SYT9: variants seen among roughly 807,000 people sequenced by gnomAD.
SYT9 encodes the protein synaptotagmin-9.
SYT9 carries 22 observed loss-of-function variants against 48.4 expected under a neutral mutation model. The ratio of observed to expected loss-of-function variants is 0.45; its 90% confidence interval spans 0.32 to 0.65. The LOEUF is 0.65. Among genes scored for constraint, SYT9 ranks in the 30% least tolerant of loss-of-function variants. SYT9 has a pLI of 0.03. For missense variants in SYT9, 577 were observed against 622.0 expected, an observed-to-expected ratio of 0.93 and a Z score of 0.77; for synonymous variants, 265 against 245.0, an observed-to-expected ratio of 1.08 and a Z score of -0.76.
At chr11:7,357,857 C>T (rs1045004632) in intron 3 of SYT9, among the ~76,000 whole-genome samples, 8 of 151,516 alleles carry the variant, frequency 5.3e-5, no homozygotes, top group Non-Finnish European at 7.4e-5. Context: ...TATATTAATT[C>T]GACTAGAATT....
intron 3 of SYT9, among the ~76,000 whole-genome samples, chr11:7,339,576 G>T (rs914243663): frequency 1.3e-5 from 2 of 152,154 alleles, no homozygotes; most frequent in African/African-American, 4.8e-5. Flanking sequence ...GCATTTGCTT[G>T]TCGGAAAAGG....
intron 3 of SYT9, among the ~76,000 whole-genome samples, chr11:7,330,151 T>A (rs1473399895): frequency 1.3e-5 from 2 of 152,082 alleles, no homozygotes; most frequent in Non-Finnish European, 2.9e-5. Context: ...AACCTAAATG[T>A]CCTCCAATGG....
chr11:7,390,708 G>GAATAT (rs1233140669), intron 3 of SYT9, among the ~76,000 whole-genome samples: 8 of 152,132 alleles, frequency 5.3e-5, no homozygotes, highest in African/African-American at 1.9e-4. Flanking sequence ...TAATAGAATA[G>GAATAT]AATGGAATTT....
intron 1 of SYT9, among the ~76,000 whole-genome samples, chr11:7,296,740 G>A (rs762732900): frequency 5.3e-5 from 8 of 152,258 alleles, no homozygotes; most frequent in African/African-American, 7.2e-5. Context: ...TTGTATTTAC[G>A]TGAAAGGGAT....
chr11:7,457,073 C>T (rs1848160630), intron 6 of SYT9: 1 of 152,222 alleles, frequency 6.6e-6, no homozygotes, highest in South Asian at 2.1e-4. Flanking sequence ...TCCTCTGCGA[C>T]CCTGCCTCCA....
chr11:7,251,830 C>T (rs1424004530), upstream of SYT9: 3 of 192,488 alleles, frequency 1.6e-5, no homozygotes, highest in African/African-American at 2.3e-5. Flanking sequence ...CTATCCTACC[C>T]TGCGGCGCGC....
At chr11:7,294,656 T>G (rs920389284) in intron 1 of SYT9, among the ~76,000 whole-genome samples, 29 of 152,196 alleles carry the variant, frequency 1.9e-4, no homozygotes, top group African/African-American at 7.0e-4. Flanking sequence ...CCTCTTTGGC[T>G]TAATATTCTG....
chr11:7,253,730 G>A (rs1847915303), intron 1 of SYT9, among the ~76,000 whole-genome samples: 1 of 152,172 alleles, frequency 6.6e-6, no homozygotes, highest in Non-Finnish European at 1.5e-5. Context: ...GAGGTTTAAT[G>A]TCCAGCCTAT....
chr11:7,315,151 G>A (rs538070725), intron 3 of SYT9, among the ~76,000 whole-genome samples: 1 of 152,334 alleles, frequency 6.6e-6, no homozygotes, highest in South Asian at 2.1e-4. Flanking sequence ...GAAAGGAGTT[G>A]GAGCTGGATA....
At chr11:7,268,153 A>G (rs373338159) in intron 1 of SYT9, among the ~76,000 whole-genome samples, 1 of 152,028 alleles carries the variant, frequency 6.6e-6, no homozygotes, top group African/African-American at 2.4e-5. Context: ...ACAAATAGTC[A>G]TTACAAATTT....
chr11:7,404,712 A>C (rs1846967836), intron 3 of SYT9, among the ~76,000 whole-genome samples: 1 of 152,166 alleles, frequency 6.6e-6, no homozygotes. Flanking sequence ...TCCCTAAACA[A>C]ACAACAGTGG....
chr11:7,446,183 C>G (rs1167118310), intron 6 of SYT9, among the ~76,000 whole-genome samples: 1 of 152,174 alleles, frequency 6.6e-6, no homozygotes, highest in East Asian at 1.9e-4. Context: ...TGAAAAGCTC[C>G]CAACTGCTGA....
intron 6 of SYT9, among the ~76,000 whole-genome samples, chr11:7,448,879 G>T (rs1034526524): frequency 2.0e-5 from 3 of 152,156 alleles, no homozygotes; most frequent in African/African-American, 7.2e-5. Flanking sequence ...GCCAGGCCCA[G>T]TTGACTGGGG....
intron 3 of SYT9, among the ~76,000 whole-genome samples, chr11:7,317,007 C>T (rs1310840974): frequency 6.6e-6 from 1 of 152,056 alleles, no homozygotes; most frequent in African/African-American, 2.4e-5. Context: ...GATGCAAATC[C>T]CTTGTTGGTT....
At chr11:7,241,602 C>T (rs911195572) in intron 1 of SYT9, among the ~76,000 whole-genome samples, 3 of 152,048 alleles carry the variant, frequency 2.0e-5, no homozygotes, top group East Asian at 1.9e-4. Context: ...GTGGAATTGC[C>T]GATTGATTAA....
intron 1 of SYT9, among the ~76,000 whole-genome samples, chr11:7,300,885 C>T (rs1198649939): frequency 6.6e-6 from 1 of 152,148 alleles, no homozygotes. Context: ...CCCTCCCCAC[C>T]TCATGTTGGG....
chr11:7,294,668 C>T (rs1186384925), intron 1 of SYT9, among the ~76,000 whole-genome samples: 1 of 152,132 alleles, frequency 6.6e-6, no homozygotes, highest in African/African-American at 2.4e-5. Flanking sequence ...AATATTCTGC[C>T]CCCCAGGCTC....
chr11:7,370,207 G>A (rs547573094), intron 3 of SYT9, among the ~76,000 whole-genome samples: 1 of 152,180 alleles, frequency 6.6e-6, no homozygotes, highest in South Asian at 2.1e-4. Flanking sequence ...GTCTCATCCA[G>A]GTCTCTGCAA....
At position 7,320,873 on chromosome 11, in the gene SYT9, A is replaced by G. The variant is rs545739287; in HGVS notation, c.1044+6932A>G. The stretch of plus-strand genomic sequence containing the variant: ...TGTGAGGATTTTATCAGTCAGCAAG[A>G]GAGAAGACAGCATCAAGGGGGAAGG... On this transcript the variant is annotated intron_variant, in intron 3 of 6. Transcript: ENST00000318881. 9.2e-5 allele frequency among the ~76,000 whole-genome samples: 14 copies of G among 152,366 alleles called. No homozygotes were observed. The South Asian group carries it at 2.9e-3, about 32-fold the overall frequency.
Sources: allele counts gnomAD v4.1 joint callset (sites outside exome capture counted in the v4.1 genomes callset), GRCh38; gene constraint gnomAD v4.1.1; transcripts MANE v1.5; gene names NCBI Gene and HGNC (gene_info 2026-07-23, HGNC 2026-07-21).